The following RGS17 variants were observed in gnomAD, a reference collection of about 807,000 sequenced individuals.
The protein encoded by RGS17 is regulator of G protein signaling 17.
A neutral mutation model predicts 25.5 loss-of-function variants in RGS17; 12 were observed. That is an observed-to-expected ratio of 0.47 (90% confidence interval 0.30 to 0.76). RGS17 has a LOEUF of 0.76. Among genes scored for constraint, RGS17 ranks in the 30% least tolerant of loss-of-function variants. The pLI is 0.07. For missense variants in RGS17, 196 were observed against 242.2 expected, an observed-to-expected ratio of 0.81 and a Z score of 1.27; for synonymous variants, 71 against 76.9, an observed-to-expected ratio of 0.92 and a Z score of 0.40.
At chr6:153,016,714 GTTGT>G (rs1237946868) in intron 4 of RGS17, among the ~76,000 whole-genome samples, 2 of 152,122 alleles carry the variant, frequency 1.3e-5, no homozygotes, top group African/African-American at 4.8e-5. Context: ...TTAATATCAG[GTTGT>G]TTGTCTGAAA....
intron 2 of RGS17, among the ~76,000 whole-genome samples, chr6:153,043,099 C>T (rs1376194997): frequency 1.3e-5 from 2 of 152,154 alleles, no homozygotes; most frequent in Non-Finnish European, 1.5e-5. Context: ...ATCCGGAACT[C>T]GAGCAGGTTC....
At chr6:153,069,949 G>A (rs549196706) in intron 1 of RGS17, among the ~76,000 whole-genome samples, 4 of 152,142 alleles carry the variant, frequency 2.6e-5, no homozygotes, top group Admixed American at 1.3e-4. Flanking sequence ...CAAAGCTCAT[G>A]CTGGTTCCAT....
intron 1 of RGS17, among the ~76,000 whole-genome samples, chr6:153,051,579 TTA>T (rs1776462132): frequency 6.6e-6 from 1 of 152,176 alleles, no homozygotes; most frequent in Non-Finnish European, 1.5e-5. Flanking sequence ...GTTCATATTA[TTA>T]GTGTTTTGTG....
intron 1 of RGS17, among the ~76,000 whole-genome samples, chr6:153,075,834 G>A (rs914831403): frequency 6.6e-6 from 1 of 152,176 alleles, no homozygotes; most frequent in African/African-American, 2.4e-5. Context: ...GTTTTTGTGT[G>A]TGTATACACA....
intron 1 of RGS17, among the ~76,000 whole-genome samples, chr6:153,098,425 C>G (rs545122963): frequency 1.3e-3 from 197 of 152,228 alleles, no homozygotes; most frequent in Non-Finnish European, 2.3e-3. Flanking sequence ...CTCTTAAAAC[C>G]GAATATGCAT....
At chr6:153,067,971 T>C (rs942818767) in intron 1 of RGS17, among the ~76,000 whole-genome samples, 19 of 151,986 alleles carry the variant, frequency 1.3e-4, no homozygotes, top group African/African-American at 3.9e-4. Context: ...CACAGATCAA[T>C]AGAACAGAAT....
chr6:153,083,177 C>CCT, intron 1 of RGS17, among the ~76,000 whole-genome samples: 1 of 152,256 alleles, frequency 6.6e-6, no homozygotes, highest in Non-Finnish European at 1.5e-5. Context: ...GAAACTCTCC[C>CCT]CTACAAATTA....
chr6:153,010,471 T>TA lies in RGS17; in HGVS notation c.*1102dup, dbSNP rs1779119317. ...CCTTAAGATATTATGTGAAAACAGT[T>TA]AAGGTCTGAAGTAGAGGATTATTTT... On this transcript the variant is annotated 3_prime_UTR_variant, in exon 5 of 5. Coordinates refer to ENST00000206262, the MANE Select transcript of RGS17 (RefSeq NM_012419.5). 6.6e-6 allele frequency: 1 copy of TA among 152,048 alleles called. No homozygotes were observed. The highest frequency in any genetic ancestry group is 1.5e-5 in the Non-Finnish European group (1 of 67,898). 9.4% of individuals were successfully genotyped at this position (152,048 alleles called of 1,614,324 possible).
intron 2 of RGS17, 35 bp from the exon 3 acceptor site, chr6:153,026,578 G>T: frequency 6.6e-7 from 1 of 1,512,468 alleles, no homozygotes; most frequent in Non-Finnish European, 9.2e-7. Flanking sequence ...TTTGTCAAGG[G>T]AAATTCAATC....
At chr6:153,057,276 C>T (rs949254921) in intron 1 of RGS17, among the ~76,000 whole-genome samples, 3 of 151,908 alleles carry the variant, frequency 2.0e-5, no homozygotes, top group Admixed American at 6.6e-5. Flanking sequence ...GTCAAGATGC[C>T]GTTGCAGTAA....
At chr6:153,079,387 G>C (rs1584147435) in intron 1 of RGS17, among the ~76,000 whole-genome samples, 1 of 152,080 alleles carries the variant, frequency 6.6e-6, no homozygotes, top group East Asian at 1.9e-4. Flanking sequence ...CAACATTCTT[G>C]GTTTGTTCTT....
chr6:153,119,917 G>A (rs1313070127), intron 1 of RGS17, among the ~76,000 whole-genome samples: 3 of 152,122 alleles, frequency 2.0e-5, no homozygotes, highest in Non-Finnish European at 2.9e-5. Context: ...CTTTTTCCAC[G>A]GCTTTTCTCC....
At chr6:153,093,826 G>C (rs910285958) in intron 1 of RGS17, among the ~76,000 whole-genome samples, 3 of 152,104 alleles carry the variant, frequency 2.0e-5, no homozygotes, top group African/African-American at 4.8e-5. Flanking sequence ...CAGGGGACTT[G>C]AACTTCAGCC....
rs562517286 is a variant in RGS17, at chr6:153,130,164, A to C, written c.-26+960T>G. Among the ~76,000 whole-genome samples the C allele has an allele frequency of 6.6e-6, 1 of 152,072 alleles. No homozygotes were observed. Among genetic ancestry groups the C allele is most frequent in the Non-Finnish European group, 1.5e-5 (1 of 67,988 alleles). ...TTTATTCAGGGAGACAGGGAGGCAG[A>C]GAGAAGAGGAGAAAGCGGCCGTGTC... On this transcript the variant is annotated intron_variant, in intron 1 of 4. Transcript: ENST00000206262. The surrounding 1 kb of genome is among the most constrained non-coding windows in gnomAD (Gnocchi z 6.4).
intron 1 of RGS17, among the ~76,000 whole-genome samples, chr6:153,092,003 C>A (rs1777139709): frequency 6.6e-6 from 1 of 152,082 alleles, no homozygotes; most frequent in Non-Finnish European, 1.5e-5. Flanking sequence ...TTTGGGAAAA[C>A]TAGTAGAAAT....
intron 1 of RGS17, among the ~76,000 whole-genome samples, chr6:153,104,390 T>C (rs1011091224): frequency 3.3e-5 from 5 of 152,164 alleles, no homozygotes; most frequent in African/African-American, 1.2e-4. Context: ...GTCATATAAT[T>C]AGAAAGTAAC....
At chr6:153,121,290 C>T (rs907497338) in intron 1 of RGS17, among the ~76,000 whole-genome samples, 10 of 152,152 alleles carry the variant, frequency 6.6e-5, no homozygotes, top group Non-Finnish European at 1.2e-4. Flanking sequence ...TGCTGCCTCT[C>T]TCTAACATAA....
intron 2 of RGS17, among the ~76,000 whole-genome samples, chr6:153,041,193 A>T (rs1050732634): frequency 1.8e-4 from 27 of 152,060 alleles, no homozygotes; most frequent in African/African-American, 6.5e-4. Context: ...AATAATAATC[A>T]AGTGGTTTAT....
At chr6:153,014,686 T>C (rs1779165151) in intron 4 of RGS17, among the ~76,000 whole-genome samples, 1 of 151,412 alleles carries the variant, frequency 6.6e-6, no homozygotes, top group Non-Finnish European at 1.5e-5. Context: ...TAGTCCCAGC[T>C]ACTTGGGAGG....
Sources: gnomAD v4.1 joint callset for allele counts (sites outside exome capture counted in the v4.1 genomes callset) on GRCh38, gnomAD v4.1.1 for gene constraint, Gnocchi (gnomAD v3.1) non-coding constraint, MANE v1.5 for transcripts, NCBI Gene and HGNC (gene_info 2026-07-23, HGNC 2026-07-21) for gene names.